The following BSCL2 variants were observed in gnomAD, a reference collection of about 807,000 sequenced individuals.
BSCL2 encodes BSCL2 lipid droplet biogenesis associated, seipin.
BSCL2 carries 41 observed loss-of-function variants against 57.4 expected under a neutral mutation model. That is an observed-to-expected ratio of 0.71 (90% CI 0.56 to 0.93). The LOEUF (loss-of-function observed/expected upper bound fraction) is 0.93, where lower values mean the gene tolerates loss of function less well. BSCL2 is among the 40% of genes least tolerant of loss of function. BSCL2 has a pLI of 0.00. For missense variants in BSCL2, 539 were observed against 586.7 expected (o/e 0.92, Z 0.84); for synonymous variants, 237 against 227.3 (o/e 1.04, Z -0.38).
intron 1 of BSCL2, chr11:62,706,307 CG>C (rs1256035284): frequency 1.8e-6 from 2 of 1,116,734 alleles, no homozygotes; most frequent in African/African-American, 1.7e-5. Context: ...TTCCGGCTCC[CG>C]GGGAAGTCCC....
intron 5 of BSCL2, 30 bp downstream of exon 5, chr11:62,692,633 C>T: frequency 6.2e-7 from 1 of 1,613,796 alleles, no homozygotes; most frequent in Non-Finnish European, 8.5e-7. Flanking sequence ...GGGCTATCTC[C>T]TAGTCATAAA....
At chr11:62,693,394 C>G (rs1945362321) in intron 4 of BSCL2, among the ~76,000 whole-genome samples, 1 of 152,016 alleles carries the variant, frequency 6.6e-6, no homozygotes, top group Non-Finnish European at 1.5e-5. Flanking sequence ...GTCCCAGCTA[C>G]TTGAGAGGCT....
At position 62,705,533 on chromosome 11, in the gene BSCL2, T is replaced by C. The variant is rs1284357129; in HGVS notation, c.172A>G (p.Arg58Gly). ...ACCATGGCCGGGAGAGCAGGGTGTC[T>C]GGCCCCAGGTTCAGGCCTTGCGTTC... ...ARNARPEPGA[R>G]HPALPAMVND... Residue 58 changes from arginine to glycine, a missense_variant, in exon 2 of 11, where the codon AGA becomes GGA. Physicochemically the swap from Arg to Gly is moderately radical, Grantham distance 125. Transcript: ENST00000360796. 3 of 1,612,652 alleles carry C rather than the reference T, an allele frequency of 1.9e-6. No individual in the cohort carries two copies. The highest frequency in any genetic ancestry group is 1.3e-5 in the African/African-American group (1 of 75,026).
chr11:62,690,951 T>C, intron 8 of BSCL2, 84 bp from the exon 9 acceptor site: 1 of 1,579,266 alleles, frequency 6.3e-7, no homozygotes, highest in Non-Finnish European at 8.7e-7. Context: ...TTCCTCGCCT[T>C]TCCTTTGACC....
In BSCL2 at chr11:62,692,799, T is replaced by C; in HGVS notation, c.631-2A>G. The C allele has an allele frequency of 6.2e-7, 1 of 1,613,100 alleles. No homozygotes were observed. The highest frequency in any genetic ancestry group is 1.1e-5 in the South Asian group (1 of 91,038). On this transcript the variant is annotated splice_acceptor_variant, in intron 4 of 10. Coordinates refer to ENST00000360796, the MANE Select transcript of BSCL2 (RefSeq NM_001122955.4). LOFTEE classifies it high-confidence loss of function. ...GTCTGAGCGGTAATGCAGCATCACC[T>C]GCCGGGGGTGGGAAGCAGAGGCTGG...
Position 62,691,078 on chromosome 11 carries a change from G to A in BSCL2, c.1069C>T (p.Pro357Ser), listed in dbSNP as rs781022347. 71 of 1,614,072 alleles carry A rather than the reference G, an allele frequency of 4.4e-5. No homozygotes were observed. Among genetic ancestry groups the A allele is most frequent in the Non-Finnish European group, 5.9e-5 (70 of 1,180,036 alleles). ...EVQRRISAHQ[P>S]GPEGQEESTP... ...GCTCCCCAGCCAACACCTTTACCTGGCTGATGAGCAGAGATCCTTCGTTGG... is the reference window on the plus strand; with the variant it reads ...GCTCCCCAGCCAACACCTTTACCTGACTGATGAGCAGAGATCCTTCGTTGG... The change falls in exon 8 of 11, where the codon CCA becomes TCA. Residue 357 changes from proline to serine, a missense_variant. Physicochemically the swap from Pro to Ser is moderately conservative, Grantham distance 74. Transcript: ENST00000360796.
chr11:62,703,001 T>C (rs1177380574), intron 2 of BSCL2, among the ~76,000 whole-genome samples: 1 of 151,854 alleles, frequency 6.6e-6, no homozygotes, highest in East Asian at 1.9e-4. Context: ...AAATACAAAA[T>C]TAGCGGGGCG....
upstream of BSCL2, chr11:62,707,772 C>A: frequency 3.6e-6 from 1 of 274,100 alleles, no homozygotes; most frequent in Non-Finnish European, 7.1e-6. Context: ...TCCCCAGGGG[C>A]CTCCTTTCGT....
intron 3 of BSCL2, among the ~76,000 whole-genome samples, chr11:62,701,880 T>C (rs1945653875): frequency 6.6e-6 from 1 of 150,920 alleles, no homozygotes; most frequent in Non-Finnish European, 1.5e-5. Flanking sequence ...GTTGTATAGG[T>C]ACCTGAAGTA....
chr11:62,705,716 G>A (rs534350925), intron 1 of BSCL2, 99 bp from the exon 2 acceptor site: 6 of 1,162,290 alleles, frequency 5.2e-6, no homozygotes, highest in Non-Finnish European at 7.1e-6. Context: ...GAGATAGCAG[G>A]ATAGCAAAGT....
At chr11:62,704,750 AAG>A (rs1391020347) in intron 2 of BSCL2, among the ~76,000 whole-genome samples, 1 of 152,172 alleles carries the variant, frequency 6.6e-6, no homozygotes, top group Non-Finnish European at 1.5e-5. Context: ...CACCTCAAAA[AAG>A]AGAGAATTTG....
chr11:62,701,020 C>A (rs1945623682), intron 3 of BSCL2, among the ~76,000 whole-genome samples: 1 of 152,098 alleles, frequency 6.6e-6, no homozygotes, highest in African/African-American at 2.4e-5. Context: ...AGGGCCCAGT[C>A]CCCATATGCA....
upstream of BSCL2, chr11:62,709,367 T>TA (rs1315657645): frequency 2.2e-6 from 1 of 453,462 alleles, no homozygotes; most frequent in Non-Finnish European, 4.4e-6. Flanking sequence ...GTGTAAGAAT[T>TA]AAGTACAAAA....
chr11:62,707,660 A>C (rs1273331203), upstream of BSCL2: 1 of 443,876 alleles, frequency 2.3e-6, no homozygotes, highest in Non-Finnish European at 4.2e-6. Flanking sequence ...GGTATGCTCC[A>C]GGATCTGAGC....
Position 62,707,101 on chromosome 11 carries a change from G to A in BSCL2, c.87+8C>T. 1 of 1,552,020 alleles carries A rather than the reference G, an allele frequency of 6.4e-7. No individual in the cohort carries two copies. Among genetic ancestry groups the A allele is most frequent in the Non-Finnish European group, 8.7e-7 (1 of 1,146,660 alleles). On this transcript the variant is annotated splice_region_variant and intron_variant, in intron 1 of 10. Transcript: ENST00000360796. Reference sequence around the variant, plus strand: ...ATTTCTGCTGACTGTCCCCACAAGGGCCCCTACCTCCTCTTTGTCCGGTCC... The same window carrying A: ...ATTTCTGCTGACTGTCCCCACAAGGACCCCTACCTCCTCTTTGTCCGGTCC...
chr11:62,709,240 C>G (rs774856935), upstream of BSCL2: 1 of 454,990 alleles, frequency 2.2e-6, no homozygotes, highest in Non-Finnish European at 4.4e-6. Context: ...GGGAGAGGAT[C>G]ATCAAGCAAT....
chr11:62,694,061 G>A (rs1305080833), intron 4 of BSCL2, among the ~76,000 whole-genome samples: 2 of 151,798 alleles, frequency 1.3e-5, no homozygotes, highest in Non-Finnish European at 2.9e-5. Context: ...TGATCTACCC[G>A]CCTCGGCCTC....
At chr11:62,706,494 A>ACCCCTTT (rs2083541194) in intron 1 of BSCL2, 1 of 407,642 alleles carries the variant, frequency 2.5e-6, no homozygotes, top group African/African-American at 2.1e-5. Context: ...GGTTACCGTG[A>ACCCCTTT]CCAAAGGGGA....
chr11:62,708,915 T>C (rs1034349923), upstream of BSCL2: 6 of 819,440 alleles, frequency 7.3e-6, no homozygotes, highest in Admixed American at 6.2e-5. Flanking sequence ...TCCCTAACCC[T>C]TGCCTGACCA....
Sources: gnomAD v4.1 joint callset for allele counts (sites outside exome capture counted in the v4.1 genomes callset) on GRCh38, gnomAD v4.1.1 for gene constraint, MANE v1.5 for transcripts, NCBI Gene and HGNC (gene_info 2026-07-23, HGNC 2026-07-21) for gene names.